Variants in CALHM6 observed in about 807,000 individuals in gnomAD.
The protein encoded by CALHM6 is calcium homeostasis modulator family member 6.
CALHM6 carries 15 observed loss-of-function variants against 12.7 expected under a neutral mutation model. The observed-to-expected ratio is 1.18, with a 90% CI of 0.79 to 1.82. CALHM6 has a LOEUF of 1.82. Among genes scored for constraint, CALHM6 ranks in the 40% most tolerant of loss-of-function variants. The probability of loss-of-function intolerance (pLI) is 0.00; values close to 1 mark genes in which losing one functional copy is unlikely to be tolerated. For missense variants in CALHM6, 434 were observed against 421.0 expected, an observed-to-expected ratio of 1.03 and a Z score of -0.27; for synonymous variants, 212 against 193.7, an observed-to-expected ratio of 1.09 and a Z score of -0.78.
rs557482432 is a variant in CALHM6, at chr6:116,463,488, C to T, written c.731C>T (p.Ser244Leu). Residue 244 changes from serine (S) to leucine (L), a missense_variant, in exon 3 of 3, where the codon TCG becomes TTG. Physicochemically the swap from Ser to Leu is moderately radical, Grantham distance 145. Coordinates refer to ENST00000368605, the MANE Select transcript of CALHM6 (RefSeq NM_001010919.3). The part of the protein sequence containing the change: ...KENIKCFFEG[S>L]HPKEYNTPSM... ...AATATTAAATGTTTCTTTGAGGGCTCGCATCCAAAAGAATATAACACTCCA... is the reference window on the plus strand; with the variant it reads ...AATATTAAATGTTTCTTTGAGGGCTTGCATCCAAAAGAATATAACACTCCA... 13 of 1,614,122 alleles carry T rather than the reference C, an allele frequency of 8.1e-6. No individual in the cohort carries two copies. The highest frequency in any genetic ancestry group is 1.3e-5 in the African/African-American group (1 of 75,058).
At chr6:116,462,831 T>C (rs1784809212) in intron 2 of CALHM6, among the ~76,000 whole-genome samples, 2 of 152,174 alleles carry the variant, frequency 1.3e-5, no homozygotes, top group African/African-American at 4.8e-5. Context: ...GTATCTCCCC[T>C]ATATAGTGAC....
At chr6:116,462,758 T>A (rs540483863) in intron 2 of CALHM6, among the ~76,000 whole-genome samples, 9 of 152,310 alleles carry the variant, frequency 5.9e-5, no homozygotes, top group African/African-American at 1.9e-4. Flanking sequence ...GCATTATTTT[T>A]ACGTCTCACA....
At chr6:116,462,569 A>C (rs1230587891) in intron 2 of CALHM6, 115 bp downstream of exon 2, 11 of 618,202 alleles carry the variant, frequency 1.8e-5, no homozygotes, top group Non-Finnish European at 2.6e-5. Context: ...TACCCTAAGA[A>C]AATCTAGAAT....
chr6:116,462,043 A>T lies in CALHM6; in HGVS notation c.114A>T (p.Ala38=). The change falls in exon 2 of 3, where the codon GCA becomes GCT. Residue 38 remains alanine (A), a synonymous_variant. Coordinates refer to ENST00000368605, the MANE Select transcript of CALHM6 (RefSeq NM_001010919.3). The part of the protein sequence containing the change: ...AGGERIFSAV[A]FQCPCSAAWN... ...GGGAGCGCATCTTCTCCGCCGTGGC[A>T]TTCCAGTGCCCGTGCAGCGCCGCCT... 1 of 1,548,480 alleles carries T rather than the reference A, an allele frequency of 6.5e-7. No homozygotes were observed. The highest frequency in any genetic ancestry group is 2.5e-5 in the East Asian group (1 of 40,804).
In CALHM6 at chr6:116,461,967, A is replaced by T; in HGVS notation, c.38A>T (p.Lys13Met). Residue 13 changes from lysine to methionine, a missense_variant, in exon 2 of 3, where the codon AAG (lysine) becomes ATG (methionine). Coordinates refer to ENST00000368605, the MANE Select transcript of CALHM6 (RefSeq NM_001010919.3). ...KFRAVLDLHV[K>M]HHSALGYGLV... is the part of the protein sequence containing the mutation. ...CGGGCGGTGCTGGACCTGCACGTCA[A>T]GCACCACAGCGCCTTGGGCTACGGC... is the stretch of plus-strand genomic sequence containing the variant. 6.5e-7 allele frequency: 1 copy of T among 1,543,788 alleles called. No homozygotes were observed. Among genetic ancestry groups the T allele is most frequent in the Non-Finnish European group, 8.8e-7 (1 of 1,142,730 alleles).
rs1243732217 is a variant in CALHM6 at position 116,462,499 on chromosome 6, G to T, written c.525+45G>T. On this transcript the variant is annotated intron_variant, in intron 2 of 2. Transcript: ENST00000368605. ...GGCGTTTGGGAGGAGCCGAGAGGCC[G>T]AGCTTTCTCAGGGCCGCTGGGGTGA... is the stretch of plus-strand genomic sequence containing the variant. 3.5e-6 allele frequency: 5 copies of T among 1,409,364 alleles called. No individual in the cohort carries two copies. In the Admixed American group the frequency reaches 1.1e-4, roughly 31 times the overall value. 87.3% of individuals were successfully genotyped at this position (1,409,364 alleles called of 1,614,324 possible).
Position 116,462,338 on chromosome 6 carries a change from C to G in CALHM6, c.409C>G (p.Arg137Gly), listed in dbSNP as rs1263800056. 1 of 1,447,664 alleles carries G rather than the reference C, an allele frequency of 6.9e-7. No individual in the cohort carries two copies. 89.7% of individuals were successfully genotyped at this position (1,447,664 alleles called of 1,614,324 possible). ...AATGSAAFAQ[R>G]LCLGRNRSCA... ...CACCGGGAGCGCGGCCTTCGCGCAGCGCCTGTGCCTCGGCCGCAACCGCAG... is the reference window on the plus strand; with the variant it reads ...CACCGGGAGCGCGGCCTTCGCGCAGGGCCTGTGCCTCGGCCGCAACCGCAG... The change falls in exon 2 of 3, where the codon CGC (arginine) becomes GGC (glycine). Residue 137 changes from arginine (R) to glycine (G), a missense_variant. Transcript: ENST00000368605.
chr6:116,462,655 AGT>A, intron 2 of CALHM6: 1 of 484,706 alleles, frequency 2.1e-6, no homozygotes. Flanking sequence ...GCATTCCCGT[AGT>A]ATCTGGCACT....
chr6:116,463,644 C>A lies in CALHM6; in HGVS notation c.887C>A (p.Thr296Lys). ...THSIRSTEGD[T>K]VIPVLGFVDS... ...AGTATCAGGTCTACTGAAGGAGATA[C>A]GGTGATTCCTGTTCTTGGCTTTGTA... The change falls in exon 3 of 3, where the codon ACG (threonine) becomes AAG (lysine). Residue 296 changes from threonine to lysine, a missense_variant. Transcript: ENST00000368605. The A allele has an allele frequency of 6.2e-7, 1 of 1,613,872 alleles. No homozygotes were observed. The highest frequency in any genetic ancestry group is 8.5e-7 in the Non-Finnish European group (1 of 1,179,924).
At position 116,463,732 on chromosome 6, in the gene CALHM6, T is replaced by G. The variant is rs776529284; in HGVS notation, c.*27T>G. 1 of 1,467,196 alleles carries G rather than the reference T, an allele frequency of 6.8e-7. No homozygotes were observed. Among genetic ancestry groups the G allele is most frequent in the Non-Finnish European group, 9.1e-7 (1 of 1,100,360 alleles). The allele number at this position is 1,467,196 out of a possible 1,614,324, so 90.9% of individuals were successfully genotyped here. A position where few individuals can be genotyped will look rare whatever the true frequency, so the allele number is the denominator to read the frequency against. ...CTTTTGAATGAGTAGAAAAAAAAAT[T>G]GTTTTGAATTATTGCTTTATTAAAA... On this transcript the variant is annotated 3_prime_UTR_variant, in exon 3 of 3. Transcript: ENST00000368605.
chr6:116,462,471 G>T lies in CALHM6; in HGVS notation c.525+17G>T, dbSNP rs2115129274. ...CAGTCGCAGGTCTGCCGCTGGCGCTGGGGGCGTTTGGGAGGAGCCGAGAGG... is the reference window on the plus strand; with the variant it reads ...CAGTCGCAGGTCTGCCGCTGGCGCTTGGGGCGTTTGGGAGGAGCCGAGAGG... On this transcript the variant is annotated intron_variant, in intron 2 of 2. Coordinates refer to ENST00000368605, the MANE Select transcript of CALHM6 (RefSeq NM_001010919.3). 6.8e-7 allele frequency: 1 copy of T among 1,479,402 alleles called. No individual in the cohort carries two copies. Among genetic ancestry groups the T allele is most frequent in the Non-Finnish European group, 9.0e-7 (1 of 1,112,566 alleles). The allele number at this position is 1,479,402 out of a possible 1,614,324, so 91.6% of individuals were successfully genotyped here.
rs1562326054 is a variant in CALHM6, at chr6:116,461,915, CGG to C, written c.-11_-10del. The C allele has an allele frequency of 6.7e-7, 1 of 1,486,182 alleles. No homozygotes were observed. Among genetic ancestry groups the C allele is most frequent in the Non-Finnish European group, 9.0e-7 (1 of 1,111,036 alleles). The allele number at this position is 1,486,182 out of a possible 1,614,324, so 92.1% of individuals were successfully genotyped here. On this transcript the variant is annotated 5_prime_UTR_variant, in exon 2 of 3. Coordinates refer to ENST00000368605, the MANE Select transcript of CALHM6 (RefSeq NM_001010919.3). ...GGATCTGGGCCTGTGCGCGACGCCC[CGG>C]GGGACGAGGCTCATGGAGAAGTTTC...
intron 2 of CALHM6, among the ~76,000 whole-genome samples, chr6:116,462,914 G>T (rs936203108): frequency 6.6e-6 from 1 of 152,218 alleles, no homozygotes; most frequent in African/African-American, 2.4e-5. Flanking sequence ...GGGGTCTATA[G>T]AATAAAATGG....
rs892117827 is a variant in CALHM6, at chr6:116,462,186, G to C, written c.257G>C (p.Arg86Pro). 1 of 1,511,016 alleles carries C rather than the reference G, an allele frequency of 6.6e-7. No homozygotes were observed. The highest frequency in any genetic ancestry group is 2.0e-5 in the Admixed American group (1 of 49,528). 93.6% of individuals were successfully genotyped at this position (1,511,016 alleles called of 1,614,324 possible). ...CTCACCGGATGCTGCTCCAGCGCCCGCGCGAGTTGCGGATCGGCGCTGCGC... is the reference window on the plus strand; with the variant it reads ...CTCACCGGATGCTGCTCCAGCGCCCCCGCGAGTTGCGGATCGGCGCTGCGC... ...RLLTGCCSSA[R>P]ASCGSALRGS... Residue 86 changes from arginine to proline, a missense_variant, in exon 2 of 3, where the codon CGC (arginine) becomes CCC (proline). Coordinates refer to ENST00000368605, the MANE Select transcript of CALHM6 (RefSeq NM_001010919.3).
At position 116,462,148 on chromosome 6, in the gene CALHM6, C is replaced by T; in HGVS notation, c.219C>T (p.Arg73=). The T allele has an allele frequency of 6.5e-7, 1 of 1,530,564 alleles. No homozygotes were observed. The highest frequency in any genetic ancestry group is 8.8e-7 in the Non-Finnish European group (1 of 1,141,612). 94.8% of individuals were successfully genotyped at this position (1,530,564 alleles called of 1,614,324 possible). A position where few individuals can be genotyped will look rare whatever the true frequency, so the allele number is the denominator to read the frequency against. ...TCCTGGGCTACGTGCTGAGCGCACG[C>T]ACGTGGCGCCTGCTCACCGGATGCT... is the stretch of plus-strand genomic sequence containing the variant. The part of the protein sequence containing the change: ...LFLLGYVLSA[R]TWRLLTGCCS... The change falls in exon 2 of 3, where the codon CGC becomes CGT. Residue 73 remains arginine, a synonymous_variant. Coordinates refer to ENST00000368605, the MANE Select transcript of CALHM6 (RefSeq NM_001010919.3).
At chr6:116,461,500 T>C (rs1003893286) in intron 1 of CALHM6, 71 bp downstream of exon 1, 1 of 1,415,008 alleles carries the variant, frequency 7.1e-7, no homozygotes, top group Non-Finnish European at 9.8e-7. Flanking sequence ...GTGGCTGCAA[T>C]AGAGGAAAAT....
chr6:116,463,174 G>A (rs2115130220), intron 2 of CALHM6, 109 bp from the exon 3 acceptor site: 1 of 1,066,962 alleles, frequency 9.4e-7, no homozygotes, highest in Admixed American at 2.3e-5. Flanking sequence ...TAAAACTGTT[G>A]CTTGTTCATC....
At chr6:116,462,492 A>G in intron 2 of CALHM6, 38 bp downstream of exon 2, 1 of 1,435,014 alleles carries the variant, frequency 7.0e-7, no homozygotes, top group South Asian at 1.4e-5. Flanking sequence ...GGAGGAGCCG[A>G]GAGGCCGAGC....
intron 2 of CALHM6, 49 bp from the exon 3 acceptor site, chr6:116,463,234 T>C: frequency 6.6e-7 from 1 of 1,522,418 alleles, no homozygotes; most frequent in Non-Finnish European, 8.8e-7. Flanking sequence ...TTTAAATTTC[T>C]TGTAAAAAAC....
Sources: allele counts gnomAD v4.1 joint callset (sites outside exome capture counted in the v4.1 genomes callset), GRCh38; gene constraint gnomAD v4.1.1; transcripts MANE v1.5; gene names NCBI Gene and HGNC (gene_info 2026-07-23, HGNC 2026-07-21).